Variants in NTRK2 observed in about 807,000 individuals in gnomAD.
The protein encoded by NTRK2 is neurotrophic receptor tyrosine kinase 2, also known as BDNF/NT-3 growth factors receptor.
In NTRK2, 13 loss-of-function variants were observed where a neutral mutation model predicts 94.5. The observed-to-expected ratio is 0.14, with a 90% confidence interval of 0.09 to 0.22. The LOEUF (loss-of-function observed/expected upper bound fraction) is 0.22. NTRK2 is among the 10% of genes least tolerant of loss of function. The pLI is 1.00. For missense variants in NTRK2, 639 were observed against 1,071.2 expected, an observed-to-expected ratio of 0.60 and a Z score of 5.63; for synonymous variants, 372 against 407.4, an observed-to-expected ratio of 0.91 and a Z score of 1.05.
chr9:84,770,925 C>G (rs540631877), intron 12 of NTRK2, among the ~76,000 whole-genome samples: 50 of 152,276 alleles, frequency 3.3e-4, no homozygotes, highest in African/African-American at 1.1e-3. Context: ...TCCTTTCCCC[C>G]CTGGGTATTA....
chr9:84,710,286 T>A (rs745641338), intron 5 of NTRK2, among the ~76,000 whole-genome samples: 5 of 152,202 alleles, frequency 3.3e-5, no homozygotes, highest in Non-Finnish European at 7.3e-5. Flanking sequence ...CTTGTTGGCA[T>A]CCTTTTAATA....
chr9:84,727,695 C>T lies in NTRK2; in HGVS notation c.895C>T (p.His299Tyr). The change falls in exon 9 of 19, where the codon CAC (histidine) becomes TAC (tyrosine). Residue 299 changes from histidine (H) to tyrosine (Y), a missense_variant. His to Tyr is a moderately conservative substitution (Grantham distance 83). Coordinates refer to ENST00000277120, the MANE Select transcript of NTRK2 (RefSeq NM_006180.6). ...ATTTCTCGAATCTCCAACCTCAGAC[C>T]ACCACTGGTGCATTCCATTCACTGT... ...ITFLESPTSD[H>Y]HWCIPFTVKG... 6.2e-7 allele frequency: 1 copy of T among 1,613,320 alleles called. No individual in the cohort carries two copies. Among genetic ancestry groups the T allele is most frequent in the East Asian group, 2.2e-5 (1 of 44,890 alleles).
chr9:84,987,296 A>T (rs1266816100), intron 17 of NTRK2, among the ~76,000 whole-genome samples: 2 of 152,198 alleles, frequency 1.3e-5, no homozygotes, highest in Non-Finnish European at 2.9e-5. Context: ...CATTTGAATG[A>T]CTCATGTTCA....
intron 6 of NTRK2, among the ~76,000 whole-genome samples, chr9:84,722,268 C>A (rs932932092): frequency 6.6e-6 from 1 of 150,830 alleles, no homozygotes; most frequent in Non-Finnish European, 1.5e-5. Flanking sequence ...TCACTAGCCC[C>A]TGAAAGCCAG....
intron 12 of NTRK2, chr9:84,813,892 C>T (rs138535351): frequency 0.036 from 38,278 of 1,065,332 alleles, 827 homozygotes; most frequent in Admixed American, 0.086. Flanking sequence ...ACTCATGGCT[C>T]AATGGGGGCC....
chr9:84,860,915 A>G, intron 12 of NTRK2, 125 bp from the exon 13 acceptor site: 1 of 473,728 alleles, frequency 2.1e-6, no homozygotes. Flanking sequence ...TTATTTATTT[A>G]TTTATTTATT....
intron 9 of NTRK2, among the ~76,000 whole-genome samples, chr9:84,738,711 T>C (rs1278828112): frequency 6.6e-6 from 1 of 152,218 alleles, no homozygotes; most frequent in Non-Finnish European, 1.5e-5. Flanking sequence ...TAAACCTTTG[T>C]ATACTGAGAG....
At chr9:84,801,180 A>G (rs77938930) in intron 12 of NTRK2, among the ~76,000 whole-genome samples, 7,184 of 152,188 alleles carry the variant, frequency 0.047, 206 homozygotes, top group East Asian at 0.14. Context: ...GTAAAGTTGG[A>G]TAACTGAGGT....
At chr9:84,751,731 G>A (rs1447859453) in intron 11 of NTRK2, among the ~76,000 whole-genome samples, 6 of 152,078 alleles carry the variant, frequency 3.9e-5, no homozygotes, top group Admixed American at 3.3e-4. Flanking sequence ...ATGCCAATTG[G>A]ATAGCCATTT....
intron 12 of NTRK2, among the ~76,000 whole-genome samples, chr9:84,816,025 T>A (rs1411244170): frequency 3.3e-5 from 5 of 152,174 alleles, no homozygotes; most frequent in Non-Finnish European, 2.9e-5. Context: ...GAATTTTTTT[T>A]AAAAACCCTA....
intron 14 of NTRK2, among the ~76,000 whole-genome samples, chr9:84,870,564 G>C (rs1377492125): frequency 6.6e-6 from 1 of 150,880 alleles, no homozygotes; most frequent in African/African-American, 2.4e-5. Flanking sequence ...TGTTGCCCAG[G>C]CTGGTCTTGA....
intron 12 of NTRK2, among the ~76,000 whole-genome samples, chr9:84,764,912 A>T (rs562126575): frequency 6.6e-6 from 1 of 152,326 alleles, no homozygotes; most frequent in Non-Finnish European, 1.5e-5. Flanking sequence ...TTGCACCAAC[A>T]TGGATGGAAC....
intron 14 of NTRK2, among the ~76,000 whole-genome samples, chr9:84,900,457 G>C (rs571798190): frequency 7.9e-4 from 120 of 152,274 alleles, no homozygotes; most frequent in Non-Finnish European, 1.5e-3. Flanking sequence ...TATTCTTCAA[G>C]TTTTCATCCT....
chr9:84,793,337 A>T (rs2068930507), intron 12 of NTRK2, among the ~76,000 whole-genome samples: 1 of 152,216 alleles, frequency 6.6e-6, no homozygotes, highest in Admixed American at 6.5e-5. Flanking sequence ...TGGAGATCAA[A>T]TTAGCCATGG....
chr9:84,797,586 C>CTATATATACTATATATTATATATAA (rs1397757989), intron 12 of NTRK2, among the ~76,000 whole-genome samples: 11 of 51,460 alleles, frequency 2.1e-4, no homozygotes, highest in East Asian at 4.6e-4. Context: ...ATTATATATA[C>CTATATATACTATATATTATATATAA]TATATATACT....
At position 85,023,442 on chromosome 9, in the gene NTRK2, A is replaced by G. The variant is rs1232213755; in HGVS notation, c.*2005A>G. On this transcript the variant is annotated 3_prime_UTR_variant, in exon 19 of 19. Transcript: ENST00000277120. ...TTTGAAAGCCAATTCTCAAAAATTC[A>G]AAAGTGCAAATTAACAGAACAAAAG... 4.3e-6 allele frequency: 1 copy of G among 232,478 alleles called. No homozygotes were observed. The highest frequency in any genetic ancestry group is 8.5e-6 in the Non-Finnish European group (1 of 117,618). The allele number at this position is 232,478 out of a possible 1,614,324, so 14.4% of individuals were successfully genotyped here. A position where few individuals can be genotyped will look rare whatever the true frequency, so the allele number is the denominator to read the frequency against.
At chr9:84,919,204 A>G (rs2077487323) in intron 14 of NTRK2, among the ~76,000 whole-genome samples, 1 of 152,126 alleles carries the variant, frequency 6.6e-6, no homozygotes, top group Non-Finnish European at 1.5e-5. Context: ...CATTTTTCAC[A>G]TCTCACCTTA....
At chr9:84,822,016 A>T (rs562147850) in intron 12 of NTRK2, among the ~76,000 whole-genome samples, 1 of 152,170 alleles carries the variant, frequency 6.6e-6, no homozygotes. Context: ...TGTGTTTGTC[A>T]TTTTCACCAT....
chr9:84,896,255 C>T (rs1045894301), intron 14 of NTRK2, among the ~76,000 whole-genome samples: 7 of 152,174 alleles, frequency 4.6e-5, no homozygotes, highest in Non-Finnish European at 7.3e-5. Context: ...TTGTGACATA[C>T]GCCCTGTGTG....
Sources: allele counts gnomAD v4.1 joint callset (sites outside exome capture counted in the v4.1 genomes callset), GRCh38; gene constraint gnomAD v4.1.1; transcripts MANE v1.5; gene names NCBI Gene and HGNC (gene_info 2026-07-23, HGNC 2026-07-21).